Variants in KCNG3 observed in about 807,000 individuals in gnomAD.
KCNG3 encodes the protein voltage-gated potassium channel regulatory subunit KCNG3.
In KCNG3, 15 loss-of-function variants were observed where a neutral mutation model predicts 29.0. The observed-to-expected ratio is 0.52, with a 90% CI of 0.35 to 0.80. The LOEUF is 0.80. KCNG3 is among the 30% of genes least tolerant of loss of function. KCNG3 has a pLI of 0.01. For synonymous variants in KCNG3, 322 were observed against 248.9 expected (o/e 1.29, Z -2.76); for missense variants, 512 against 605.7 (o/e 0.85, Z 1.62).
At chr2:42,453,002 G>A (rs1254185316) in intron 1 of KCNG3, among the ~76,000 whole-genome samples, 1 of 152,158 alleles carries the variant, frequency 6.6e-6, no homozygotes, top group African/African-American at 2.4e-5. Context: ...AGCTGGTCTC[G>A]AACTCCTGAC....
At chr2:42,437,019 T>C (rs551488032), downstream of KCNG3, among the ~76,000 whole-genome samples, 2 of 152,320 alleles carry the variant, frequency 1.3e-5, no homozygotes, top group African/African-American at 4.8e-5. Flanking sequence ...TTCCTGTACA[T>C]ATCTACCATT....
chr2:42,470,803 G>A (rs1479172698), intron 1 of KCNG3, among the ~76,000 whole-genome samples: 1 of 151,850 alleles, frequency 6.6e-6, no homozygotes, highest in East Asian at 1.9e-4. Flanking sequence ...GCTGCAGTGA[G>A]CCATGGTCAC....
the KCNG3 span, among the ~76,000 whole-genome samples, chr2:42,399,636 C>T: frequency 1.3e-5 from 2 of 152,162 alleles, no homozygotes; most frequent in South Asian, 4.1e-4. Flanking sequence ...TCCTCAGTCA[C>T]ATCAAGAATA....
chr2:42,448,568 T>C (rs1672663188), intron 1 of KCNG3, among the ~76,000 whole-genome samples: 1 of 152,144 alleles, frequency 6.6e-6, no homozygotes, highest in Non-Finnish European at 1.5e-5. Context: ...TTCTATCTTA[T>C]ACTATGCTAC....
the KCNG3 span, among the ~76,000 whole-genome samples, chr2:42,415,211 C>G: frequency 6.6e-6 from 1 of 152,110 alleles, no homozygotes; most frequent in Non-Finnish European, 1.5e-5. Context: ...AGAGGTGTTG[C>G]CCCATTCAGA....
At chr2:42,452,243 A>ATATATATATATATATATATATATT in intron 1 of KCNG3, among the ~76,000 whole-genome samples, 13 of 95,054 alleles carry the variant, frequency 1.4e-4, no homozygotes, top group African/African-American at 4.3e-4. Context: ...ATATATATAT[A>ATATATATATATATATATATATATT]TTTTTTTTTT....
intron 1 of KCNG3, among the ~76,000 whole-genome samples, chr2:42,447,210 T>C (rs1189536603): frequency 1.3e-5 from 2 of 151,824 alleles, no homozygotes; most frequent in Non-Finnish European, 2.9e-5. Flanking sequence ...CAGAGCTATT[T>C]GATGTATGTA....
intron 1 of KCNG3, among the ~76,000 whole-genome samples, chr2:42,477,431 T>A (rs1281456775): frequency 0.038 from 2,217 of 58,030 alleles, 88 homozygotes; most frequent in African/African-American, 0.1. Context: ...ACATATATTT[T>A]TTTTTTTTTT....
intron 1 of KCNG3, chr2:42,470,284 C>T (rs562983708): frequency 2.8e-4 from 98 of 351,994 alleles, no homozygotes; most frequent in Middle Eastern, 1.6e-3. Context: ...TATGTACTCA[C>T]GCAATAAAAT....
intron 1 of KCNG3, among the ~76,000 whole-genome samples, chr2:42,483,412 GAAATGATCGTGT>G (rs1156777910): frequency 6.6e-6 from 1 of 152,182 alleles, no homozygotes; most frequent in Non-Finnish European, 1.5e-5. Flanking sequence ...AGGATATGTG[GAAATGATCGTGT>G]TCTGTGCCAC....
the KCNG3 span, among the ~76,000 whole-genome samples, chr2:42,433,924 T>C: frequency 5.3e-5 from 8 of 152,282 alleles, no homozygotes; most frequent in Non-Finnish European, 1.0e-4. Flanking sequence ...ACTTTGGGAA[T>C]AAGTTAAACC....
chr2:42,446,946 G>A (rs1672611968), intron 1 of KCNG3, among the ~76,000 whole-genome samples: 1 of 151,664 alleles, frequency 6.6e-6, no homozygotes, highest in African/African-American at 2.4e-5. Flanking sequence ...TTCAAGACCA[G>A]CCTGGGAAAC....
At chr2:42,408,115 T>G in the KCNG3 span, among the ~76,000 whole-genome samples, 1 of 152,176 alleles carries the variant, frequency 6.6e-6, no homozygotes, top group African/African-American at 2.4e-5. Flanking sequence ...TGGGTGCCTA[T>G]GAGCATGGGT....
chr2:42,425,959 T>C, the KCNG3 span, among the ~76,000 whole-genome samples: 2 of 152,252 alleles, frequency 1.3e-5, no homozygotes, highest in East Asian at 3.8e-4. Flanking sequence ...TAGTAGCATG[T>C]ATTTAGTATC....
chr2:42,408,137 T>A, the KCNG3 span, among the ~76,000 whole-genome samples: 7 of 152,076 alleles, frequency 4.6e-5, no homozygotes. Context: ...GGAAGCCAAG[T>A]GGGGGCTGAG....
intron 1 of KCNG3, among the ~76,000 whole-genome samples, chr2:42,484,899 A>G (rs1228080096): frequency 4.6e-5 from 7 of 152,224 alleles, no homozygotes; most frequent in Non-Finnish European, 8.8e-5. Context: ...TGGGTTATGT[A>G]CAATCCTATC....
chr2:42,395,314 C>T, the KCNG3 span, among the ~76,000 whole-genome samples: 1 of 152,146 alleles, frequency 6.6e-6, no homozygotes, highest in Non-Finnish European at 1.5e-5. Flanking sequence ...AAACACACAG[C>T]ACTCCCTTTT....
chr2:42,467,746 G>C (rs1673177823), intron 1 of KCNG3, among the ~76,000 whole-genome samples: 1 of 151,504 alleles, frequency 6.6e-6, no homozygotes, highest in Non-Finnish European at 1.5e-5. Context: ...AAGGCAGGCA[G>C]ACTGCTTGAG....
At chr2:42,471,811 G>A (rs915867937) in intron 1 of KCNG3, among the ~76,000 whole-genome samples, 3 of 150,266 alleles carry the variant, frequency 2.0e-5, no homozygotes, top group African/African-American at 7.4e-5. Flanking sequence ...TCTAGCCCAG[G>A]AGGTTGAGGC....
Sources: allele counts gnomAD v4.1 joint callset (sites outside exome capture counted in the v4.1 genomes callset), GRCh38; gene constraint gnomAD v4.1.1; transcripts MANE v1.5; gene names NCBI Gene and HGNC (gene_info 2026-07-23, HGNC 2026-07-21).